CDH8: variants seen among roughly 807,000 people sequenced by gnomAD.
CDH8 encodes cadherin-8.
Under a neutral mutation model 68.1 loss-of-function variants are expected in CDH8, and 17 were observed. That is an observed-to-expected ratio of 0.25 (90% CI 0.17 to 0.37). CDH8 has a LOEUF of 0.37. Ranked by LOEUF, CDH8 falls within the 10% of genes least tolerant of loss-of-function variation. CDH8 has a pLI of 1.00. For missense variants in CDH8, 763 were observed against 999.3 expected, an observed-to-expected ratio of 0.76 and a Z score of 3.19; for synonymous variants, 372 against 365.1, an observed-to-expected ratio of 1.02 and a Z score of -0.21.
intron 2 of CDH8, among the ~76,000 whole-genome samples, chr16:61,956,958 C>G (rs536784806): frequency 6.6e-6 from 1 of 152,096 alleles, no homozygotes; most frequent in Admixed American, 6.6e-5. Flanking sequence ...AAAATGCAGA[C>G]GCTTCATTAA....
intron 2 of CDH8, among the ~76,000 whole-genome samples, chr16:61,945,559 T>G (rs1428258319): frequency 6.6e-6 from 1 of 152,018 alleles, no homozygotes; most frequent in Non-Finnish European, 1.5e-5. Flanking sequence ...ACTCAAAGGT[T>G]AGCTGCAAAG....
chr16:61,768,314 T>TCTCTCTCTCTCTCTCTCTCTCTC (rs1960651975), intron 8 of CDH8, among the ~76,000 whole-genome samples: 1 of 17,194 alleles, frequency 5.8e-5, no homozygotes, highest in Non-Finnish European at 1.1e-4. Context: ...GTCTCTCCCT[T>TCTCTCTCTCTCTCTCTCTCTCTC]TCTCTCTCTC....
At chr16:61,742,710 T>G (rs914083908) in intron 8 of CDH8, among the ~76,000 whole-genome samples, 6 of 152,176 alleles carry the variant, frequency 3.9e-5, no homozygotes, top group Non-Finnish European at 5.9e-5. Context: ...GTGAGTTTGT[T>G]TTGCTAATAT....
intron 2 of CDH8, among the ~76,000 whole-genome samples, chr16:61,960,988 C>A (rs1171304241): frequency 6.6e-6 from 1 of 152,050 alleles, no homozygotes; most frequent in Non-Finnish European, 1.5e-5. Flanking sequence ...CAGGTCACCC[C>A]GCCCCTTAAA....
At chr16:61,985,455 C>A (rs576249522) in intron 2 of CDH8, among the ~76,000 whole-genome samples, 275 of 152,282 alleles carry the variant, frequency 1.8e-3, no homozygotes, top group Non-Finnish European at 3.5e-3. Flanking sequence ...GACAGAACAT[C>A]CTGATTGAGG....
chr16:61,882,389 T>C (rs1026417398), intron 3 of CDH8, among the ~76,000 whole-genome samples: 1 of 152,220 alleles, frequency 6.6e-6, no homozygotes, highest in Non-Finnish European at 1.5e-5. Flanking sequence ...TTTTCCATTT[T>C]GCAGATATCC....
chr16:61,992,885 C>A (rs1460267132), intron 2 of CDH8, among the ~76,000 whole-genome samples: 1 of 152,024 alleles, frequency 6.6e-6, no homozygotes, highest in Admixed American at 6.6e-5. Flanking sequence ...ACCTCCTGGG[C>A]TCATAGGATC....
chr16:61,960,010 A>ATGTATGTGTG lies in CDH8; in HGVS notation c.253-58538_253-58537insCACACATACA, dbSNP rs1473815674. Among the ~76,000 whole-genome samples, 3 of 82,926 alleles carry ATGTATGTGTG rather than the reference A, an allele frequency of 3.6e-5. 1 individual carries two copies. The highest frequency in any genetic ancestry group is 2.5e-4 in the African/African-American group (3 of 12,206). 54.4% of individuals were successfully genotyped at this position (82,926 alleles called of 152,430 possible). A position where few individuals can be genotyped will look rare whatever the true frequency, so the allele number is the denominator to read the frequency against. ...TATATATATATATATATATATATAT[A>ATGTATGTGTG]TATATACACACATACACACACACAC... On this transcript the variant is annotated intron_variant, in intron 2 of 11. Coordinates refer to ENST00000577390, the MANE Select transcript of CDH8 (RefSeq NM_001796.5).
At chr16:61,982,431 G>A (rs1336580777) in intron 2 of CDH8, among the ~76,000 whole-genome samples, 2 of 152,066 alleles carry the variant, frequency 1.3e-5, no homozygotes, top group Non-Finnish European at 2.9e-5. Context: ...GTGTTAGCCG[G>A]GATGGTCTCC....
intron 3 of CDH8, among the ~76,000 whole-genome samples, chr16:61,890,115 G>A (rs1367507785): frequency 6.6e-6 from 1 of 152,174 alleles, no homozygotes; most frequent in Non-Finnish European, 1.5e-5. Context: ...GAAGAGTAGG[G>A]TGCAGTTTTT....
chr16:61,754,819 G>A (rs1344248332), intron 8 of CDH8, among the ~76,000 whole-genome samples: 3 of 151,872 alleles, frequency 2.0e-5, no homozygotes, highest in Non-Finnish European at 2.9e-5. Flanking sequence ...GGTTACCTGG[G>A]TATATTGTAT....
chr16:61,711,799 T>A (rs1271474987), intron 10 of CDH8: 1 of 151,720 alleles, frequency 6.6e-6, no homozygotes, highest in East Asian at 1.9e-4. Flanking sequence ...AAGGCAGTCC[T>A]GGTTTATGGT....
intron 10 of CDH8, among the ~76,000 whole-genome samples, chr16:61,673,948 T>C (rs955924189): frequency 1.3e-5 from 2 of 152,070 alleles, no homozygotes; most frequent in East Asian, 1.9e-4. Context: ...TACACACATA[T>C]AGAATGAGAA....
At chr16:61,859,681 T>C (rs985825690) in intron 3 of CDH8, among the ~76,000 whole-genome samples, 3 of 152,200 alleles carry the variant, frequency 2.0e-5, no homozygotes, top group Non-Finnish European at 4.4e-5. Flanking sequence ...TTAATTTCCC[T>C]GTTTTGATCT....
chr16:61,927,960 T>A (rs887984175), intron 2 of CDH8, among the ~76,000 whole-genome samples: 3 of 152,256 alleles, frequency 2.0e-5, no homozygotes, highest in Non-Finnish European at 2.9e-5. Flanking sequence ...CAATATTATT[T>A]GTATAACCAG....
chr16:61,671,245 T>C (rs997634487), intron 10 of CDH8, among the ~76,000 whole-genome samples: 3 of 152,042 alleles, frequency 2.0e-5, no homozygotes, highest in African/African-American at 7.2e-5. Flanking sequence ...AAACAAATGT[T>C]GTTGGCGTAA....
chr16:62,005,901 C>A (rs1965967011), intron 2 of CDH8, among the ~76,000 whole-genome samples: 1 of 152,134 alleles, frequency 6.6e-6, no homozygotes, highest in South Asian at 2.1e-4. Context: ...GGATATCTCA[C>A]TCAGGGCTTT....
At chr16:61,936,352 A>C (rs1480994494) in intron 2 of CDH8, among the ~76,000 whole-genome samples, 1 of 152,138 alleles carries the variant, frequency 6.6e-6, no homozygotes, top group African/African-American at 2.4e-5. Context: ...AAAAATAAAA[A>C]CACCACCAAC....
intron 2 of CDH8, among the ~76,000 whole-genome samples, chr16:61,941,019 T>C (rs1371112813): frequency 6.6e-6 from 1 of 152,242 alleles, no homozygotes; most frequent in Non-Finnish European, 1.5e-5. Flanking sequence ...ATTAATCTTG[T>C]AGCATTTTGA....
Sources: allele counts gnomAD v4.1 joint callset (sites outside exome capture counted in the v4.1 genomes callset), GRCh38; gene constraint gnomAD v4.1.1; transcripts MANE v1.5; gene names NCBI Gene and HGNC (gene_info 2026-07-23, HGNC 2026-07-21).